Variants in MTCL1 observed in about 807,000 individuals in gnomAD.
The protein encoded by MTCL1 is microtubule crosslinking factor 1.
MTCL1 carries 79 observed loss-of-function variants against 141.4 expected under a neutral mutation model. The observed-to-expected ratio is 0.56, with a 90% CI of 0.47 to 0.67. The LOEUF is 0.67. Ranked by LOEUF, MTCL1 falls within the 30% of genes least tolerant of loss-of-function variation. The pLI is 0.00. For synonymous variants in MTCL1, 914 were observed against 875.8 expected, an observed-to-expected ratio of 1.04 and a Z score of -0.77; for missense variants, 2,177 against 2,113.9, an observed-to-expected ratio of 1.03 and a Z score of -0.59.
At chr18:8,776,615 A>G (rs1332501773) in intron 4 of MTCL1, among the ~76,000 whole-genome samples, 1 of 152,174 alleles carries the variant, frequency 6.6e-6, no homozygotes, top group African/African-American at 2.4e-5. Context: ...CATGAGTTGG[A>G]GTGGGTTTCC....
chr18:8,831,913 G>T, exon 17 of MTCL1: 4 of 1,322,160 alleles, frequency 3.0e-6, no homozygotes, highest in Non-Finnish European at 4.1e-6. Flanking sequence ...CAAGGTCAAA[G>T]AATGTTTTTT....
intron 9 of MTCL1, 108 bp downstream of exon 8, chr18:8,796,570 T>A (rs2075928760): frequency 8.8e-7 from 1 of 1,131,548 alleles, no homozygotes; most frequent in Non-Finnish European, 1.3e-6. Flanking sequence ...TTATTTTATT[T>A]CTCAATATTT....
chr18:8,818,219 C>G (rs1303493426), intron 12 of MTCL1, among the ~76,000 whole-genome samples: 1 of 152,224 alleles, frequency 6.6e-6, no homozygotes, highest in Non-Finnish European at 1.5e-5. Context: ...TGCCTGCAAA[C>G]CAGCAAGCCA....
At chr18:8,789,165 C>T (rs1277412309) in intron 7 of MTCL1, among the ~76,000 whole-genome samples, 1 of 152,200 alleles carries the variant, frequency 6.6e-6, no homozygotes, top group East Asian at 1.9e-4. Context: ...CTGCTTTTAT[C>T]CTTCAATCAA....
At chr18:8,784,629 A>G (rs1187745341) in exon 6 of MTCL1, 3 of 1,613,700 alleles carry the variant, frequency 1.9e-6, no homozygotes, top group Non-Finnish European at 2.5e-6. Flanking sequence ...GAGGGGGACC[A>G]GCAGGAGCCC....
exon 3 of MTCL1, chr18:8,718,606 G>A (rs533795131): frequency 1.9e-6 from 3 of 1,613,722 alleles, no homozygotes; most frequent in Non-Finnish European, 2.5e-6. Context: ...AGACGGGTCA[G>A]GTGGATGGTG....
At chr18:8,729,673 AATATATAT>A (rs3051533) in intron 4 of MTCL1, among the ~76,000 whole-genome samples, 147 of 131,336 alleles carry the variant, frequency 1.1e-3, no homozygotes, top group Non-Finnish European at 1.7e-3. Context: ...CAAGAAGACA[AATATATAT>A]ATATATATAT....
At chr18:8,707,793 A>G (rs2096066127) in intron 1 of MTCL1, among the ~76,000 whole-genome samples, 6 of 152,182 alleles carry the variant, frequency 3.9e-5, no homozygotes, top group Admixed American at 3.3e-4. Flanking sequence ...GTTTTTGGCT[A>G]GTGAGATTGA....
intron 4 of MTCL1, among the ~76,000 whole-genome samples, chr18:8,728,292 T>C (rs898083333): frequency 3.9e-5 from 6 of 152,214 alleles, no homozygotes; most frequent in Admixed American, 1.3e-4. Flanking sequence ...TTTTAATACA[T>C]CCTTCAGCAG....
intron 12 of MTCL1, 135 bp downstream of exon 11, chr18:8,813,368 G>C (rs1176179080): frequency 6.4e-6 from 7 of 1,090,210 alleles, no homozygotes; most frequent in Non-Finnish European, 9.0e-6. Flanking sequence ...GGAAGAGAGA[G>C]AAATTCTAGA....
chr18:8,748,216 C>T (rs2148940404), intron 4 of MTCL1, among the ~76,000 whole-genome samples: 1 of 152,262 alleles, frequency 6.6e-6, no homozygotes, highest in Non-Finnish European at 1.5e-5. Flanking sequence ...GCCCCCATCC[C>T]TCCCCTGCAG....
intron 7 of MTCL1, chr18:8,787,103 G>A (rs1440613805): frequency 6.6e-6 from 1 of 152,406 alleles, no homozygotes; most frequent in East Asian, 1.9e-4. Context: ...GGTCCTTATT[G>A]TGTAACCTGG....
chr18:8,770,396 C>T (rs918455026), intron 4 of MTCL1, among the ~76,000 whole-genome samples: 1 of 152,162 alleles, frequency 6.6e-6, no homozygotes, highest in Non-Finnish European at 1.5e-5. Context: ...TTCTGGAAGC[C>T]TCAGAGTCCA....
chr18:8,819,446 C>T (rs2076769784), intron 13 of MTCL1, among the ~76,000 whole-genome samples, 187 bp downstream of exon 12: 1 of 152,198 alleles, frequency 6.6e-6, no homozygotes, highest in Admixed American at 6.5e-5. Context: ...AATTAGCATG[C>T]TCTGCTGTCA....
chr18:8,794,658 A>G lies in MTCL1; in HGVS notation c.2010+1538A>G, dbSNP rs148163859. ...GACATGTAAAAGAAAATAAAACTAC[A>G]GGACTCTCTAAATTGATTATGTCAA... On this transcript the variant is annotated intron_variant, in intron 8 of 16. Transcript: ENST00000359865. Among the ~76,000 whole-genome samples, 773 of 152,302 alleles carry G rather than the reference A, an allele frequency of 5.1e-3. 4 individuals are homozygous for G. Among genetic ancestry groups the G allele is most frequent in the African/African-American group, 0.018 (728 of 41,578 alleles).
At chr18:8,798,460 TC>T in intron 10 of MTCL1, among the ~76,000 whole-genome samples, 169 bp downstream of exon 9, 1 of 152,206 alleles carries the variant, frequency 6.6e-6, no homozygotes, top group Admixed American at 6.5e-5. Flanking sequence ...TTCCTAGAAA[TC>T]ACCTCATCAA....
rs1319231844 is a variant in MTCL1, at chr18:8,779,647, G to A, written c.417+1755G>A. Among the ~76,000 whole-genome samples, 2 of 152,166 alleles carry A rather than the reference G, an allele frequency of 1.3e-5. No homozygotes were observed. The highest frequency in any genetic ancestry group is 2.4e-5 in the African/African-American group (1 of 41,510). On this transcript the variant is annotated intron_variant, in intron 5 of 16. Transcript: ENST00000359865. This position sits in a 1 kb window ranked among gnomAD's most constrained non-coding sequence, Gnocchi z 4.1. ...CAGCTGCCTCGACCTCACGGAAGAC[G>A]TCTGACTCCTTCATTTAATATACAC...
chr18:8,736,293 CCTTGA>C (rs2096274189), intron 4 of MTCL1, among the ~76,000 whole-genome samples: 1 of 151,546 alleles, frequency 6.6e-6, no homozygotes, highest in South Asian at 2.1e-4. Flanking sequence ...TGTAGATGCT[CCTTGA>C]CTTATCATGG....
chr18:8,748,568 A>G (rs991614385), intron 4 of MTCL1, among the ~76,000 whole-genome samples: 15 of 151,642 alleles, frequency 9.9e-5, no homozygotes, highest in South Asian at 2.1e-4. Flanking sequence ...ATGTATGTGT[A>G]TATATATATA....
Sources: gnomAD v4.1 joint callset for allele counts (sites outside exome capture counted in the v4.1 genomes callset) on GRCh38, gnomAD v4.1.1 for gene constraint, Gnocchi (gnomAD v3.1) non-coding constraint, MANE v1.5 for transcripts, NCBI Gene and HGNC (gene_info 2026-07-23, HGNC 2026-07-21) for gene names.